The following MARCHF1 variants were observed in gnomAD, a reference collection of about 807,000 sequenced individuals.
MARCHF1 encodes E3 ubiquitin-protein ligase MARCHF1.
A neutral mutation model predicts 54.2 loss-of-function variants in MARCHF1; 40 were observed. That is an observed-to-expected ratio of 0.74 (90% CI 0.57 to 0.96). The LOEUF (loss-of-function observed/expected upper bound fraction) is 0.96, where lower values mean the gene tolerates loss of function less well. MARCHF1 is among the 40% of genes least tolerant of loss of function. The pLI, the probability that MARCHF1 is intolerant of heterozygous loss-of-function variation, is 0.00. For synonymous variants in MARCHF1, 236 were observed against 236.3 expected, an observed-to-expected ratio of 1.00 and a Z score of 0.01; for missense variants, 586 against 656.5, an observed-to-expected ratio of 0.89 and a Z score of 1.17.
At chr4:163,871,028 G>A (rs1412630066) in intron 3 of MARCHF1, among the ~76,000 whole-genome samples, 2 of 152,030 alleles carry the variant, frequency 1.3e-5, no homozygotes, top group African/African-American at 2.4e-5. Flanking sequence ...TATTTGAGGT[G>A]ATGAATATAA....
At chr4:164,208,068 CT>C (rs1461578517) in intron 1 of MARCHF1, among the ~76,000 whole-genome samples, 1 of 152,114 alleles carries the variant, frequency 6.6e-6, no homozygotes, top group Non-Finnish European at 1.5e-5. Context: ...CAGAGAGGAG[CT>C]TTCTAGGCAA....
intron 1 of MARCHF1, among the ~76,000 whole-genome samples, chr4:164,116,215 A>G (rs1375700279): frequency 1.3e-5 from 2 of 152,180 alleles, no homozygotes; most frequent in Non-Finnish European, 1.5e-5. Flanking sequence ...GTAACATATC[A>G]TCATAATAAA....
At chr4:164,154,826 A>T (rs1223345438) in intron 1 of MARCHF1, among the ~76,000 whole-genome samples, 2 of 152,116 alleles carry the variant, frequency 1.3e-5, no homozygotes, top group African/African-American at 4.8e-5. Context: ...GTATCCCAAG[A>T]TCTTGTCCAG....
rs34642436 is a variant in MARCHF1 at position 164,050,275 on chromosome 4, CAAAAAAAAAAAAA to C, written c.-248+61300_-248+61312del. Among the ~76,000 whole-genome samples, 75 of 40,194 alleles carry C rather than the reference CAAAAAAAAAAAAA, an allele frequency of 1.9e-3. No individual in the cohort carries two copies. The South Asian group carries it at 0.048, about 26-fold the overall frequency. The allele number at this position is 40,194 out of a possible 152,430, so 26.4% of individuals were successfully genotyped here. On this transcript the variant is annotated intron_variant, in intron 2 of 9. Transcript: ENST00000514618. The stretch of plus-strand genomic sequence containing the variant: ...GGGCGACGGAGCGAGACACTGTCTC[CAAAAAAAAAAAAA>C]AAAAAAAAAAAAAAAAAGGCCCTAG...
At chr4:163,882,566 C>T (rs928260912) in intron 3 of MARCHF1, among the ~76,000 whole-genome samples, 2 of 152,174 alleles carry the variant, frequency 1.3e-5, no homozygotes, top group Admixed American at 6.5e-5. Context: ...ATTTATTCCT[C>T]AGAACCTCTC....
At chr4:164,008,921 T>A (rs13124004) in intron 2 of MARCHF1, among the ~76,000 whole-genome samples, 144,053 of 151,950 alleles carry the variant, frequency 0.95, 68,741 homozygotes, top group East Asian at 1. Flanking sequence ...CCTCAAGGAA[T>A]AAAAAACCCA....
At chr4:164,051,455 CA>C (rs1754362461) in intron 2 of MARCHF1, among the ~76,000 whole-genome samples, 4 of 152,106 alleles carry the variant, frequency 2.6e-5, no homozygotes, top group Admixed American at 2.6e-4. Context: ...ACCAAAATAG[CA>C]ACTGTGATTT....
intron 1 of MARCHF1, among the ~76,000 whole-genome samples, chr4:164,297,278 G>C (rs544532294): frequency 6.6e-6 from 1 of 152,280 alleles, no homozygotes; most frequent in Admixed American, 6.5e-5. Flanking sequence ...AATAGAGTAT[G>C]AGAAGGTCTG....
At chr4:163,903,860 C>A (rs981793843) in intron 3 of MARCHF1, among the ~76,000 whole-genome samples, 1 of 152,164 alleles carries the variant, frequency 6.6e-6, no homozygotes, top group African/African-American at 2.4e-5. Flanking sequence ...AAGTGAGCTG[C>A]CTGCCTTGGC....
At chr4:163,600,721 C>T (rs1740936390) in intron 7 of MARCHF1, among the ~76,000 whole-genome samples, 1 of 152,032 alleles carries the variant, frequency 6.6e-6, no homozygotes, top group Non-Finnish European at 1.5e-5. Context: ...AAAATAAAGA[C>T]ATCAGAATTG....
At chr4:163,640,859 G>A (rs1742527418) in intron 5 of MARCHF1, among the ~76,000 whole-genome samples, 1 of 151,784 alleles carries the variant, frequency 6.6e-6, no homozygotes. Context: ...ATTGGTTAAG[G>A]CCACCTTTTG....
At chr4:163,788,950 T>A (rs1747695172) in intron 4 of MARCHF1, among the ~76,000 whole-genome samples, 1 of 152,036 alleles carries the variant, frequency 6.6e-6, no homozygotes, top group African/African-American at 2.4e-5. Flanking sequence ...AATATTCTGT[T>A]TCTCCATAAA....
rs1560923463 is a variant in MARCHF1, at chr4:163,528,394, A to G, written c.*354T>C. 2.8e-5 allele frequency: 6 copies of G among 212,120 alleles called. No individual in the cohort carries two copies. The South Asian group carries it at 4.4e-4, about 15-fold the overall frequency. 13.1% of individuals were successfully genotyped at this position (212,120 alleles called of 1,614,324 possible). A position where few individuals can be genotyped will look rare whatever the true frequency, so the allele number is the denominator to read the frequency against. ...AATACACATCGCAATTCAAGTCTGT[A>G]TTCTTGAACTTTTCCCCTGTTACTG... On this transcript the variant is annotated 3_prime_UTR_variant, in exon 10 of 10. Coordinates refer to ENST00000514618, the MANE Select transcript of MARCHF1 (RefSeq NM_001394959.1).
intron 2 of MARCHF1, among the ~76,000 whole-genome samples, chr4:164,006,745 A>G (rs1753296770): frequency 6.6e-6 from 1 of 152,060 alleles, no homozygotes; most frequent in Non-Finnish European, 1.5e-5. Context: ...AGAAGCCAAT[A>G]AAATTAAATG....
intron 1 of MARCHF1, among the ~76,000 whole-genome samples, chr4:164,194,212 CAT>C (rs1275835966): frequency 3.3e-5 from 5 of 152,094 alleles, no homozygotes; most frequent in Admixed American, 3.3e-4. Context: ...GAAAAAGAAA[CAT>C]AATTTTAATT....
chr4:163,702,366 T>G (rs1366128799), intron 4 of MARCHF1, among the ~76,000 whole-genome samples: 1 of 152,186 alleles, frequency 6.6e-6, no homozygotes, highest in Non-Finnish European at 1.5e-5. Flanking sequence ...TCTTTCCTTC[T>G]CAGTGAAATT....
intron 2 of MARCHF1, among the ~76,000 whole-genome samples, chr4:164,026,417 A>G (rs1230223441): frequency 6.6e-6 from 1 of 152,320 alleles, no homozygotes; most frequent in East Asian, 1.9e-4. Context: ...CTGGGATGCA[A>G]GACTTGTTCA....
At chr4:163,570,052 T>C (rs568972963) in intron 8 of MARCHF1, among the ~76,000 whole-genome samples, 1 of 152,160 alleles carries the variant, frequency 6.6e-6, no homozygotes, top group Non-Finnish European at 1.5e-5. Flanking sequence ...ATTAATTTGC[T>C]CAGCAAGGTC....
chr4:163,729,297 A>C (rs79411250), intron 4 of MARCHF1, among the ~76,000 whole-genome samples: 2,458 of 152,202 alleles, frequency 0.016, 69 homozygotes, highest in African/African-American at 0.056. Flanking sequence ...TGGCCTCATG[A>C]AATGAGTTAG....
Sources: allele counts gnomAD v4.1 joint callset (sites outside exome capture counted in the v4.1 genomes callset), GRCh38; gene constraint gnomAD v4.1.1; transcripts MANE v1.5; gene names NCBI Gene and HGNC (gene_info 2026-07-23, HGNC 2026-07-21).